ADAM18: variants seen among roughly 807,000 people sequenced by gnomAD.
ADAM18 encodes disintegrin and metalloproteinase domain-containing protein 18.
Under a neutral mutation model 94.4 loss-of-function variants are expected in ADAM18, and 117 were observed. The observed-to-expected ratio is 1.24, with a 90% confidence interval of 1.07 to 1.45. ADAM18 has a LOEUF of 1.45. ADAM18 is among the 40% of genes most tolerant of loss of function. The pLI is 0.00. For missense variants in ADAM18, 936 were observed against 880.0 expected (o/e 1.06, Z -0.81); for synonymous variants, 327 against 291.6 (o/e 1.12, Z -1.24).
At chr8:39,666,014 C>G (rs1820985685) in intron 13 of ADAM18, among the ~76,000 whole-genome samples, 1 of 151,946 alleles carries the variant, frequency 6.6e-6, no homozygotes, top group Non-Finnish European at 1.5e-5. Context: ...CATTTATGTC[C>G]TCTGAAAATA....
intron 6 of ADAM18, among the ~76,000 whole-genome samples, chr8:39,629,012 T>A (rs1819855725): frequency 6.6e-6 from 1 of 152,084 alleles, no homozygotes; most frequent in African/African-American, 2.4e-5. Context: ...AATGGACAAT[T>A]TTCAGTATGC....
In ADAM18 at chr8:39,629,430, A is replaced by G; in HGVS notation, c.579A>G (p.Glu193=). 6.3e-7 allele frequency: 1 copy of G among 1,579,724 alleles called. No individual in the cohort carries two copies. The highest frequency in any genetic ancestry group is 8.6e-7 in the Non-Finnish European group (1 of 1,161,588). ...ATCTGGAAATATACATTATAGTGGA[A>G]AAAGCTTTGGTAAGTATGCTTTCAA... is the stretch of plus-strand genomic sequence containing the variant. The part of the protein sequence containing the change: ...PQYLEIYIIV[E]KALYDYMGSE... Residue 193 remains glutamate (E), a synonymous_variant, in exon 7 of 20, where the codon GAA becomes GAG. Coordinates refer to ENST00000265707, the MANE Select transcript of ADAM18 (RefSeq NM_014237.3).
At position 39,636,041 on chromosome 8, in the gene ADAM18, G is replaced by GA. The variant is rs1491515705; in HGVS notation, c.589-1223_589-1222insA. Reference sequence around the variant, plus strand: ...TTTTTTTGAGAGAGAGAGAGAGAGAGGGGGCCTCACTCTCTCATGCAGCCT... The same window carrying GA: ...TTTTTTTGAGAGAGAGAGAGAGAGAGAGGGGCCTCACTCTCTCATGCAGCCT... On this transcript the variant is annotated intron_variant, in intron 7 of 19. Coordinates refer to ENST00000265707, the MANE Select transcript of ADAM18 (RefSeq NM_014237.3). Among the ~76,000 whole-genome samples, 138 of 140,378 alleles carry GA rather than the reference G, an allele frequency of 9.8e-4. 1 individual carries two copies. Among genetic ancestry groups the GA allele is most frequent in the East Asian group, 4.4e-3 (22 of 4,998 alleles). 92.1% of individuals were successfully genotyped at this position (140,378 alleles called of 152,430 possible).
intron 6 of ADAM18, among the ~76,000 whole-genome samples, chr8:39,620,373 A>C (rs200120117): frequency 0.36 from 35,524 of 98,328 alleles, 5,307 homozygotes; most frequent in East Asian, 0.53. Context: ...AAAAAAAAAA[A>C]ACAAAAAAAA....
Position 39,684,507 on chromosome 8 carries a change from T to C in ADAM18, c.1821+4281T>C, listed in dbSNP as rs184579780. On this transcript the variant is annotated intron_variant, in intron 16 of 19. Coordinates refer to ENST00000265707, the MANE Select transcript of ADAM18 (RefSeq NM_014237.3). ...GGCAGCCCAATCTCAATGGATTTGC[T>C]GGTTACAGCCCATGCCACACCTCTC... Among the ~76,000 whole-genome samples the C allele has an allele frequency of 2.1e-3, 325 of 152,324 alleles. 2 individuals carry two copies. Among genetic ancestry groups the C allele is most frequent in the African/African-American group, 7.0e-3 (290 of 41,568 alleles).
intron 8 of ADAM18, 88 bp downstream of exon 8, chr8:39,637,423 T>G: frequency 7.1e-7 from 1 of 1,413,216 alleles, no homozygotes; most frequent in Non-Finnish European, 9.7e-7. Flanking sequence ...ATAACTTAAA[T>G]ACTTTTTATT....
At chr8:39,632,774 T>C (rs1277706422) in intron 7 of ADAM18, among the ~76,000 whole-genome samples, 1 of 152,196 alleles carries the variant, frequency 6.6e-6, no homozygotes, top group Non-Finnish European at 1.5e-5. Flanking sequence ...TGAAACCCTG[T>C]AGACCTTAAG....
intron 7 of ADAM18, among the ~76,000 whole-genome samples, chr8:39,630,990 T>C (rs1457533771): frequency 6.6e-6 from 1 of 152,110 alleles, no homozygotes; most frequent in East Asian, 1.9e-4. Context: ...AGTTTGAGCA[T>C]ATTTTCATAC....
intron 12 of ADAM18, among the ~76,000 whole-genome samples, chr8:39,662,261 A>T (rs1375496799): frequency 6.6e-6 from 1 of 152,160 alleles, no homozygotes; most frequent in East Asian, 1.9e-4. Flanking sequence ...ACACACATAC[A>T]TTTATACAGC....
intron 2 of ADAM18, among the ~76,000 whole-genome samples, chr8:39,599,087 A>G (rs1379857869): frequency 3.9e-5 from 6 of 152,080 alleles, no homozygotes; most frequent in Non-Finnish European, 8.8e-5. Flanking sequence ...CTAGGATTAC[A>G]TGCATGAGCC....
chr8:39,635,552 A>G (rs1016602596), intron 7 of ADAM18, among the ~76,000 whole-genome samples: 5 of 152,194 alleles, frequency 3.3e-5, no homozygotes, highest in Non-Finnish European at 7.3e-5. Context: ...TAATCAAAAC[A>G]TAAAAGTTAA....
intron 2 of ADAM18, among the ~76,000 whole-genome samples, chr8:39,600,802 A>T (rs1467984313): frequency 6.6e-6 from 1 of 152,198 alleles, no homozygotes; most frequent in South Asian, 2.1e-4. Flanking sequence ...GGGTATAAAC[A>T]TGACTGGGGT....
intron 5 of ADAM18, 89 bp from the exon 6 acceptor site, chr8:39,610,440 T>A (rs992252905): frequency 3.2e-5 from 45 of 1,391,324 alleles, no homozygotes; most frequent in South Asian, 6.8e-5. Flanking sequence ...TATAGTTTTT[T>A]AATTTCTTAT....
intron 16 of ADAM18, among the ~76,000 whole-genome samples, chr8:39,686,658 G>C (rs1821613351): frequency 6.6e-6 from 1 of 152,086 alleles, no homozygotes; most frequent in Non-Finnish European, 1.5e-5. Context: ...AATGACTATA[G>C]CTTGTTTATC....
chr8:39,613,943 G>A (rs1372249294), intron 6 of ADAM18, among the ~76,000 whole-genome samples: 2 of 152,194 alleles, frequency 1.3e-5, no homozygotes, highest in East Asian at 1.9e-4. Context: ...AAATGCAAAA[G>A]AATGAATAAA....
At chr8:39,672,740 C>T (rs1356228771) in intron 14 of ADAM18, among the ~76,000 whole-genome samples, 1 of 152,198 alleles carries the variant, frequency 6.6e-6, no homozygotes, top group Non-Finnish European at 1.5e-5. Context: ...TATGGACTTA[C>T]AACCATTTAA....
intron 6 of ADAM18, among the ~76,000 whole-genome samples, chr8:39,620,357 C>CAAAAAAAA (rs61555393): frequency 1.9e-3 from 172 of 90,506 alleles, no homozygotes; most frequent in African/African-American, 2.1e-3. Context: ...GCAACAAAAG[C>CAAAAAAAA]AAAAAAAAAA....
chr8:39,678,236 T>C (rs1172201079), intron 15 of ADAM18, among the ~76,000 whole-genome samples: 1 of 152,174 alleles, frequency 6.6e-6, no homozygotes, highest in Non-Finnish European at 1.5e-5. Flanking sequence ...TCTCAAAGAC[T>C]TATAGCCAGG....
At chr8:39,633,848 G>A (rs1473139052) in intron 7 of ADAM18, among the ~76,000 whole-genome samples, 1 of 151,314 alleles carries the variant, frequency 6.6e-6, no homozygotes, top group Non-Finnish European at 1.5e-5. Flanking sequence ...AAAAAAGGTG[G>A]GGGATGGGGG....
Sources: gnomAD v4.1 joint callset for allele counts (sites outside exome capture counted in the v4.1 genomes callset) on GRCh38, gnomAD v4.1.1 for gene constraint, MANE v1.5 for transcripts, NCBI Gene and HGNC (gene_info 2026-07-23, HGNC 2026-07-21) for gene names.